The following PRRG3 variants were observed in gnomAD, a reference collection of about 807,000 sequenced individuals.
PRRG3 encodes the protein proline rich and Gla domain 3.
Under a neutral mutation model 15.8 loss-of-function variants are expected in PRRG3, and 21 were observed. The observed-to-expected ratio is 1.33, with a 90% CI of 0.94 to 1.92. PRRG3 has a LOEUF of 1.92. Ranked by LOEUF, PRRG3 falls within the 40% of genes most tolerant of loss-of-function variation. The pLI, the probability that PRRG3 is intolerant of heterozygous loss-of-function variation, is 0.00. For synonymous variants in PRRG3, 125 were observed against 84.1 expected, an observed-to-expected ratio of 1.49 and a Z score of -2.66; for missense variants, 251 against 200.2, an observed-to-expected ratio of 1.25 and a Z score of -1.53.
chrX:151,703,043 G>A lies in PRRG3; in HGVS notation c.*2010G>A, dbSNP rs1025051757. On this transcript the variant is annotated 3_prime_UTR_variant, in exon 4 of 4. Transcript: ENST00000674457. ...ATGAGCTCCACTGATCAGAGCCAAA[G>A]GGAGTTTGCCAAGAAATGCCCGCTG... 8.9e-6 allele frequency: 1 copy of A among 112,797 alleles called. No homozygotes were observed. The highest frequency in any genetic ancestry group is 3.2e-5 in the African/African-American group (1 of 30,997). The allele number at this position is 112,797 out of a possible 1,213,427, so 9.3% of individuals were successfully genotyped here. A position where few individuals can be genotyped will look rare whatever the true frequency, so the allele number is the denominator to read the frequency against.
Position 151,699,976 on chromosome X carries a change from C to G in PRRG3, c.8-20C>G. ...CTGGGCATCTCCCCATTCCAGGCCT[C>G]AGTAGGGCTCTCTCCTCAGTGTTTC... is the stretch of plus-strand genomic sequence containing the variant. On this transcript the variant is annotated intron_variant, in intron 2 of 3. Coordinates refer to ENST00000674457, the MANE Select transcript of PRRG3 (RefSeq NM_001372163.1). 7 of 1,189,384 alleles carry G rather than the reference C, an allele frequency of 5.9e-6. No individual in the cohort carries two copies. The highest frequency in any genetic ancestry group is 5.7e-6 in the Non-Finnish European group (5 of 882,138).
chrX:151,696,029 C>T (rs2014754313), intron 1 of PRRG3, among the ~76,000 whole-genome samples: 1 of 111,214 alleles, frequency 9.0e-6, no homozygotes, highest in Non-Finnish European at 1.9e-5. Context: ...AAGCTTCAGT[C>T]TGGGGTGGAG....
chrX:151,698,852 G>A, intron 2 of PRRG3, 31 bp downstream of exon 2: 1 of 1,179,610 alleles, frequency 8.5e-7, no homozygotes, highest in Non-Finnish European at 1.1e-6. Flanking sequence ...GCAGAGCCGT[G>A]GAGGGCCATG....
chrX:151,694,966 C>T (rs1307539790), upstream of PRRG3, among the ~76,000 whole-genome samples: 3 of 109,704 alleles, frequency 2.7e-5, no homozygotes, highest in South Asian at 3.6e-4. Flanking sequence ...GCAGGGGCGG[C>T]GCCGGCAGAG....
chrX:151,704,507 A>G lies in PRRG3; in HGVS notation c.*3474A>G, dbSNP rs2014947003. On this transcript the variant is annotated 3_prime_UTR_variant, in exon 4 of 4. Coordinates refer to ENST00000674457, the MANE Select transcript of PRRG3 (RefSeq NM_001372163.1). Reference sequence around the variant, plus strand: ...GTTGATCTTTTGACAACCCAGTGACATCCCATGAGAAGGAAGAAAAAAAAT... The same window carrying G: ...GTTGATCTTTTGACAACCCAGTGACGTCCCATGAGAAGGAAGAAAAAAAAT... The G allele has an allele frequency of 9.0e-6, 1 of 111,611 alleles. No individual in the cohort carries two copies. The highest frequency in any genetic ancestry group is 3.9e-4 in the South Asian group (1 of 2,588). The allele number at this position is 111,611 out of a possible 1,213,427, so 9.2% of individuals were successfully genotyped here. A position where few individuals can be genotyped will look rare whatever the true frequency, so the allele number is the denominator to read the frequency against.
chrX:151,694,650 G>A (rs973753631), upstream of PRRG3, among the ~76,000 whole-genome samples: 2 of 110,737 alleles, frequency 1.8e-5, no homozygotes, highest in Non-Finnish European at 3.8e-5. Flanking sequence ...TTCTTCTGAG[G>A]GCCCTGTGGA....
chrX:151,702,863 T>G lies in PRRG3; in HGVS notation c.*1830T>G, dbSNP rs1208674494. On this transcript the variant is annotated 3_prime_UTR_variant, in exon 4 of 4. Transcript: ENST00000674457. ...AGGGGTTTTTGGCTTAAGAGGCCCC[T>G]GCTTTTTCCATGTTGGGGGACCTGG... The G allele has an allele frequency of 1.8e-5, 2 of 112,569 alleles. No individual in the cohort carries two copies. The highest frequency in any genetic ancestry group is 3.8e-5 in the Non-Finnish European group (2 of 53,295). 9.3% of individuals were successfully genotyped at this position (112,569 alleles called of 1,213,427 possible). A position where few individuals can be genotyped will look rare whatever the true frequency, so the allele number is the denominator to read the frequency against.
In PRRG3 at chrX:151,705,281, G is replaced by C. The variant is rs1368755886; in HGVS notation, c.*4248G>C. On this transcript the variant is annotated 3_prime_UTR_variant, in exon 4 of 4. Transcript: ENST00000674457. Reference sequence around the variant, plus strand: ...TATTCTGTAAAGCAGATGCTTCGCTGTCAGACTGGCCGCTCCATCATTCGC... The same window carrying C: ...TATTCTGTAAAGCAGATGCTTCGCTCTCAGACTGGCCGCTCCATCATTCGC... 1 of 341,761 alleles carries C rather than the reference G, an allele frequency of 2.9e-6. No homozygotes were observed. The highest frequency in any genetic ancestry group is 5.9e-6 in the Non-Finnish European group (1 of 169,965). 28.2% of individuals were successfully genotyped at this position (341,761 alleles called of 1,213,427 possible).
intron 3 of PRRG3, 86 bp from the exon 4 acceptor site, chrX:151,700,420 A>G: frequency 1.8e-6 from 2 of 1,119,331 alleles, no homozygotes; most frequent in Non-Finnish European, 2.4e-6. Flanking sequence ...TCAGATGGGG[A>G]AGGGTAGGAA....
rs143276868 is a variant in PRRG3 at position 151,700,845 on chromosome X, C to T, written c.508C>T (p.Arg170Trp). ...CAGTCGGGGGGGCAGGACCACAGTC[C>T]GGCTAGAGAGCACCCTCTACCTCCC... ...GPSRGGRTTV[R>W]LESTLYLPEL... The change falls in exon 4 of 4, where the codon CGG becomes TGG. Residue 170 changes from arginine (R) to tryptophan (W), a missense_variant. Transcript: ENST00000674457. 79 of 1,196,273 alleles carry T rather than the reference C, an allele frequency of 6.6e-5. No individual in the cohort carries two copies. The highest frequency in any genetic ancestry group is 6.0e-4 in the South Asian group (33 of 55,347).
intron 1 of PRRG3, 106 bp from the exon 2 acceptor site, chrX:151,698,678 C>A (rs781649895): frequency 5.1e-6 from 3 of 583,218 alleles, no homozygotes; most frequent in Non-Finnish European, 8.3e-6. Flanking sequence ...GCTGCTTCAA[C>A]CTTTTGACCA....
chrX:151,696,957 C>G lies in PRRG3; in HGVS notation c.-32+1413C>G, dbSNP rs751538263. ...ATAGATGTCAGATCTGCTGTTTTAC[C>G]TTTAATTTTCTTTTCTTTCTTTTCT... On this transcript the variant is annotated intron_variant, in intron 1 of 3. Transcript: ENST00000674457. 2.6e-3 allele frequency among the ~76,000 whole-genome samples: 293 copies of G among 111,287 alleles called. 3 individuals are homozygous for G. The highest frequency in any genetic ancestry group is 4.2e-3 in the Non-Finnish European group (221 of 52,946).
At position 151,702,221 on chromosome X, in the gene PRRG3, G is replaced by A. The variant is rs1414926672; in HGVS notation, c.*1188G>A. ...AAAAATTGTAGCAAATTTTTGTGTG[G>A]TGCAAGAATGCATGGCCTGCGTCTA... On this transcript the variant is annotated 3_prime_UTR_variant, in exon 4 of 4. Coordinates refer to ENST00000674457, the MANE Select transcript of PRRG3 (RefSeq NM_001372163.1). The A allele has an allele frequency of 1.8e-5, 2 of 112,480 alleles. No individual in the cohort carries two copies. Among genetic ancestry groups the A allele is most frequent in the African/African-American group, 6.5e-5 (2 of 30,934 alleles). The allele number at this position is 112,480 out of a possible 1,213,427, so 9.3% of individuals were successfully genotyped here. A position where few individuals can be genotyped will look rare whatever the true frequency, so the allele number is the denominator to read the frequency against.
In PRRG3 at chrX:151,701,899, T is replaced by C. The variant is rs2014893265; in HGVS notation, c.*866T>C. On this transcript the variant is annotated 3_prime_UTR_variant, in exon 4 of 4. Transcript: ENST00000674457. ...TGGTGCATTGAAATTGAACTTCAGA[T>C]TGAGGATTTCTCCTTAACGATGGTG... 1 of 112,908 alleles carries C rather than the reference T, an allele frequency of 8.9e-6. No individual in the cohort carries two copies. Among genetic ancestry groups the C allele is most frequent in the African/African-American group, 3.2e-5 (1 of 31,080 alleles). The allele number at this position is 112,908 out of a possible 1,213,427, so 9.3% of individuals were successfully genotyped here. A position where few individuals can be genotyped will look rare whatever the true frequency, so the allele number is the denominator to read the frequency against.
At position 151,700,080 on chromosome X, in the gene PRRG3, C is replaced by A. The variant is rs1362803183; in HGVS notation, c.92C>A (p.Thr31Asn). The change falls in exon 3 of 4, where the codon ACC becomes AAC. Residue 31 changes from threonine to asparagine, a missense_variant. Coordinates refer to ENST00000674457, the MANE Select transcript of PRRG3 (RefSeq NM_001372163.1). ...TTCCTGGAGGAGCTGCGCCAGGGCA[C>A]CATCGAGCGAGAGTGCATGGAGGAG... The part of the protein sequence containing the change: ...NEFLEELRQG[T>N]IERECMEEIC... 1 of 1,211,691 alleles carries A rather than the reference C, an allele frequency of 8.3e-7. No individual in the cohort carries two copies. The highest frequency in any genetic ancestry group is 1.8e-5 in the South Asian group (1 of 56,943).
At chrX:151,699,248 G>A in intron 2 of PRRG3, among the ~76,000 whole-genome samples, 1 of 112,627 alleles carries the variant, frequency 8.9e-6, no homozygotes, top group Non-Finnish European at 1.9e-5. Flanking sequence ...AAGCTATTCT[G>A]GTCAGCCTGT....
At position 151,700,994 on chromosome X, in the gene PRRG3, C is replaced by A. The variant is rs767174555; in HGVS notation, c.657C>A (p.Tyr219Ter). ...CTTACAGTGACCCACCCCCAAAGTACGAGGAGATAGTGGCCGCCAACCCTG... is the reference window on the plus strand; with the variant it reads ...CTTACAGTGACCCACCCCCAAAGTAAGAGGAGATAGTGGCCGCCAACCCTG... ...SVSYSDPPPK[Y>*]EEIVAANPGA... The change falls in exon 4 of 4, where the codon TAC (tyrosine) becomes TAA (stop). Residue 219 changes from tyrosine to a stop codon, truncating the protein, a stop_gained. Transcript: ENST00000674457. LOFTEE classifies it high-confidence loss of function. 1.7e-6 allele frequency: 2 copies of A among 1,170,137 alleles called. No individual in the cohort carries two copies. The highest frequency in any genetic ancestry group is 1.8e-5 in the African/African-American group (1 of 56,147).
At chrX:151,698,637 G>A in intron 1 of PRRG3, 147 bp from the exon 2 acceptor site, 1 of 392,902 alleles carries the variant, frequency 2.5e-6, no homozygotes, top group Non-Finnish European at 4.4e-6. Flanking sequence ...GCCATGGGTG[G>A]CTGCATGGAG....
rs1299037162 is a variant in PRRG3 at position 151,705,567 on chromosome X, C to T, written c.*4534C>T. 1.2e-5 allele frequency: 3 copies of T among 254,896 alleles called. No homozygotes were observed. Among genetic ancestry groups the T allele is most frequent in the African/African-American group, 8.6e-5 (3 of 34,820 alleles). The allele number at this position is 254,896 out of a possible 1,213,427, so 21.0% of individuals were successfully genotyped here. A position where few individuals can be genotyped will look rare whatever the true frequency, so the allele number is the denominator to read the frequency against. On this transcript the variant is annotated 3_prime_UTR_variant, in exon 4 of 4. Coordinates refer to ENST00000674457, the MANE Select transcript of PRRG3 (RefSeq NM_001372163.1). ...TGCCTCTCAATCCATCTCCCCTCAT[C>T]GATACCAATTTCCCAGGCCTGAACA...
Sources: allele counts gnomAD v4.1 joint callset (sites outside exome capture counted in the v4.1 genomes callset), GRCh38; gene constraint gnomAD v4.1.1; transcripts MANE v1.5; gene names NCBI Gene and HGNC (gene_info 2026-07-23, HGNC 2026-07-21).